N4BP2L1: variants seen among roughly 807,000 people sequenced by gnomAD.
N4BP2L1 encodes the protein NEDD4 binding protein 2 like 1.
In N4BP2L1, 12 loss-of-function variants were observed where a neutral mutation model predicts 21.2. That is an observed-to-expected ratio of 0.57 (90% CI 0.36 to 0.92). The LOEUF is 0.92. Among genes scored for constraint, N4BP2L1 ranks in the 40% least tolerant of loss-of-function variants. The pLI is 0.01. For synonymous variants in N4BP2L1, 104 were observed against 112.8 expected (o/e 0.92, Z 0.49); for missense variants, 259 against 310.6 (o/e 0.83, Z 1.25).
chr13:32,417,401 C>T (rs555662175), intron 1 of N4BP2L1, among the ~76,000 whole-genome samples: 5 of 152,114 alleles, frequency 3.3e-5, no homozygotes, highest in African/African-American at 1.2e-4. Context: ...TCCCCTTTTG[C>T]TCAGCACTTC....
intron 1 of N4BP2L1, among the ~76,000 whole-genome samples, chr13:32,423,382 G>A (rs1390489601): frequency 6.6e-6 from 1 of 152,186 alleles, no homozygotes; most frequent in Non-Finnish European, 1.5e-5. Context: ...ACATTGCAAA[G>A]GATGCAACAT....
chr13:32,405,816 C>A (rs903073407), intron 3 of N4BP2L1, among the ~76,000 whole-genome samples: 2 of 151,398 alleles, frequency 1.3e-5, no homozygotes, highest in Non-Finnish European at 2.9e-5. Context: ...CAGTCTGGAC[C>A]TATTCACTTC....
intron 1 of N4BP2L1, among the ~76,000 whole-genome samples, chr13:32,410,159 G>A (rs1158833699): frequency 6.6e-6 from 1 of 152,252 alleles, no homozygotes; most frequent in African/African-American, 2.4e-5. Flanking sequence ...CCGATCTGCG[G>A]GCCTTGCCCG....
chr13:32,418,720 G>A (rs944422355), intron 1 of N4BP2L1, among the ~76,000 whole-genome samples: 1 of 152,246 alleles, frequency 6.6e-6, no homozygotes. Flanking sequence ...AAGGCCATGG[G>A]AGCCCACCTC....
rs1282362780 is a variant in N4BP2L1, at chr13:32,427,876, G to A, written c.179+28C>T. 2.6e-5 allele frequency: 37 copies of A among 1,417,988 alleles called. No individual in the cohort carries two copies. In the East Asian group the frequency reaches 1.0e-3, roughly 38 times the overall value. The allele number at this position is 1,417,988 out of a possible 1,614,324, so 87.8% of individuals were successfully genotyped here. A position where few individuals can be genotyped will look rare whatever the true frequency, so the allele number is the denominator to read the frequency against. On this transcript the variant is annotated intron_variant, in intron 1 of 4. Transcript: ENST00000380130. ...GGGCGTTTGGTGGCCCCGGGCCCGT[G>A]CACCGGCGCCCAGACCGCTGTCATT...
At chr13:32,428,332 C>G, upstream of N4BP2L1, 1 of 345,710 alleles carries the variant, frequency 2.9e-6, no homozygotes, top group East Asian at 4.4e-5. Context: ...CACCTCGACC[C>G]CCGCTCCGCC....
chr13:32,403,395 C>G (rs1207953), intron 4 of N4BP2L1, among the ~76,000 whole-genome samples, 195 bp from the exon 5 acceptor site: 44,334 of 152,014 alleles, frequency 0.29, 7,634 homozygotes, highest in Non-Finnish European at 0.39. Context: ...CTGCACACCC[C>G]CAAACCACCC....
chr13:32,416,479 G>A (rs1455190481), intron 1 of N4BP2L1: 2 of 152,216 alleles, frequency 1.3e-5, no homozygotes, highest in Non-Finnish European at 2.9e-5. Context: ...ACAAATTTCA[G>A]TGAACTTCCT....
Position 32,419,412 on chromosome 13 carries a change from A to ATTTTTTTTTTTTTTTTTTTT in N4BP2L1, c.179+8472_179+8491dup, listed in dbSNP as rs71071039. 50 of 284,714 alleles carry ATTTTTTTTTTTTTTTTTTTT rather than the reference A, an allele frequency of 1.8e-4. 5 individuals are homozygous for ATTTTTTTTTTTTTTTTTTTT. Among genetic ancestry groups the ATTTTTTTTTTTTTTTTTTTT allele is most frequent in the Admixed American group, 2.1e-4 (4 of 18,772 alleles). The allele number at this position is 284,714 out of a possible 1,614,324, so 17.6% of individuals were successfully genotyped here. A position where few individuals can be genotyped will look rare whatever the true frequency, so the allele number is the denominator to read the frequency against. On this transcript the variant is annotated intron_variant, in intron 1 of 4. Transcript: ENST00000380130. ...GGGTGCTTGCCACCATGCTTGGCTA[A>ATTTTTTTTTTTTTTTTTTTT]TTTTTTTTTTTTTTTTTTTTTTTTT...
At position 32,402,236 on chromosome 13, in the gene N4BP2L1, A is replaced by T. The variant is rs987967485; in HGVS notation, c.*706T>A. 2.2e-5 allele frequency: 20 copies of T among 915,152 alleles called. No individual in the cohort carries two copies. Among genetic ancestry groups the T allele is most frequent in the Non-Finnish European group, 2.5e-5 (19 of 765,970 alleles). The allele number at this position is 915,152 out of a possible 1,614,324, so 56.7% of individuals were successfully genotyped here. On this transcript the variant is annotated 3_prime_UTR_variant, in exon 5 of 5. Coordinates refer to ENST00000380130, the MANE Select transcript of N4BP2L1 (RefSeq NM_052818.3). ...AGTTATTCAGGTTTAATCCTGCTGAATAAAGTAGTAAAAACACAAGGCGTG... is the reference window on the plus strand; with the variant it reads ...AGTTATTCAGGTTTAATCCTGCTGATTAAAGTAGTAAAAACACAAGGCGTG...
At chr13:32,419,263 T>TTTA in intron 1 of N4BP2L1, 1 of 116,110 alleles carries the variant, frequency 8.6e-6, no homozygotes, top group South Asian at 1.7e-4. Context: ...TTTTTTTTTT[T>TTTA]GAGACAGAGT....
rs140480323 is a variant in N4BP2L1, at chr13:32,413,810, C to A, written c.180-6038G>T. On this transcript the variant is annotated intron_variant, in intron 1 of 4. Coordinates refer to ENST00000380130, the MANE Select transcript of N4BP2L1 (RefSeq NM_052818.3). ...AGGACTGGAAATATATATATAATTTCTTTTCATTTTATCTCTTGTTACATG... is the reference window on the plus strand; with the variant it reads ...AGGACTGGAAATATATATATAATTTATTTTCATTTTATCTCTTGTTACATG... 3.1e-3 allele frequency among the ~76,000 whole-genome samples: 468 copies of A among 148,728 alleles called. 1 individual carries two copies. The highest frequency in any genetic ancestry group is 0.011 in the African/African-American group (435 of 40,418).
rs2073226291 is a variant in N4BP2L1, at chr13:32,402,890, A to G, written c.*52T>C. 6.6e-7 allele frequency: 1 copy of G among 1,512,936 alleles called. No individual in the cohort carries two copies. The highest frequency in any genetic ancestry group is 8.8e-7 in the Non-Finnish European group (1 of 1,130,626). The allele number at this position is 1,512,936 out of a possible 1,614,324, so 93.7% of individuals were successfully genotyped here. A position where few individuals can be genotyped will look rare whatever the true frequency, so the allele number is the denominator to read the frequency against. On this transcript the variant is annotated 3_prime_UTR_variant, in exon 5 of 5. Transcript: ENST00000380130. ...TAAAATGCAACAAAAAATAACAAAAACTGAAGTAGAAACTGACTTAGGAAA... is the reference window on the plus strand; with the variant it reads ...TAAAATGCAACAAAAAATAACAAAAGCTGAAGTAGAAACTGACTTAGGAAA...
intron 1 of N4BP2L1, among the ~76,000 whole-genome samples, chr13:32,417,413 C>T (rs1005317815): frequency 1.3e-5 from 2 of 149,456 alleles, no homozygotes; most frequent in African/African-American, 2.6e-5. Flanking sequence ...CAGCACTTCT[C>T]CTTGCTGTCA....
At chr13:32,422,516 A>G (rs1303939721) in intron 1 of N4BP2L1, among the ~76,000 whole-genome samples, 1 of 151,836 alleles carries the variant, frequency 6.6e-6, no homozygotes, top group African/African-American at 2.4e-5. Context: ...TCCTTCATCC[A>G]TTTCTACTTC....
intron 4 of N4BP2L1, chr13:32,403,896 A>G (rs1267982873): frequency 2.1e-6 from 1 of 480,460 alleles, no homozygotes; most frequent in Non-Finnish European, 3.9e-6. Flanking sequence ...ACAAGTTAGT[A>G]TTATTTGAAC....
rs1370692455 is a variant in N4BP2L1, at chr13:32,401,845, A to G, written c.*1097T>C. The G allele has an allele frequency of 2.5e-6, 2 of 790,326 alleles. No homozygotes were observed. Among genetic ancestry groups the G allele is most frequent in the African/African-American group, 1.9e-5 (1 of 53,312 alleles). 49.0% of individuals were successfully genotyped at this position (790,326 alleles called of 1,614,324 possible). ...GAAGCTGTTGGCCAACAAGAAATAGAGCATACGTCCTCTGTGGTCTTGTCT... is the reference window on the plus strand; with the variant it reads ...GAAGCTGTTGGCCAACAAGAAATAGGGCATACGTCCTCTGTGGTCTTGTCT... On this transcript the variant is annotated 3_prime_UTR_variant, in exon 5 of 5. Transcript: ENST00000380130.
At chr13:32,418,706 G>A (rs1168219154) in intron 1 of N4BP2L1, among the ~76,000 whole-genome samples, 1 of 152,244 alleles carries the variant, frequency 6.6e-6, no homozygotes, top group East Asian at 1.9e-4. Flanking sequence ...GGGTGGAGCT[G>A]CCCAAGGCCA....
chr13:32,417,209 G>A (rs895594404), intron 1 of N4BP2L1, among the ~76,000 whole-genome samples: 13 of 152,092 alleles, frequency 8.5e-5, no homozygotes, highest in African/African-American at 2.4e-4. Context: ...GATTCAGTTC[G>A]TCCTCAATAT....
Sources: allele counts gnomAD v4.1 joint callset (sites outside exome capture counted in the v4.1 genomes callset), GRCh38; gene constraint gnomAD v4.1.1; transcripts MANE v1.5; gene names NCBI Gene and HGNC (gene_info 2026-07-23, HGNC 2026-07-21).